TRAPPC9: variants seen among roughly 807,000 people sequenced by gnomAD.
TRAPPC9 encodes trafficking protein particle complex subunit 9, also known as IKK2 binding protein.
A neutral mutation model predicts 124.0 loss-of-function variants in TRAPPC9; 83 were observed. The ratio of observed to expected loss-of-function variants is 0.67; its 90% CI spans 0.56 to 0.80. The LOEUF is 0.80. Among genes scored for constraint, TRAPPC9 ranks in the 30% least tolerant of loss-of-function variants. The pLI is 0.00. For synonymous variants in TRAPPC9, 638 were observed against 617.5 expected (o/e 1.03, Z -0.49); for missense variants, 1,302 against 1,508.3 (o/e 0.86, Z 2.27).
At chr8:140,276,486 C>T (rs553605924) in intron 14 of TRAPPC9, among the ~76,000 whole-genome samples, 2 of 152,282 alleles carry the variant, frequency 1.3e-5, no homozygotes, top group East Asian at 3.9e-4. Flanking sequence ...GCCAGATGAA[C>T]GTGCAACACA....
At chr8:139,947,292 A>G (rs1834291686) in intron 19 of TRAPPC9, among the ~76,000 whole-genome samples, 1 of 152,198 alleles carries the variant, frequency 6.6e-6, no homozygotes, top group Non-Finnish European at 1.5e-5. Context: ...ACCAGGTACT[A>G]ATCTCCATCA....
At chr8:140,399,598 A>G (rs1015708774) in intron 6 of TRAPPC9, among the ~76,000 whole-genome samples, 3 of 152,074 alleles carry the variant, frequency 2.0e-5, no homozygotes, top group African/African-American at 7.2e-5. Context: ...AATTTCTCCC[A>G]TTTGGAATGG....
At chr8:139,815,206 C>T (rs1018854967) in intron 21 of TRAPPC9, among the ~76,000 whole-genome samples, 4 of 152,098 alleles carry the variant, frequency 2.6e-5, no homozygotes, top group Non-Finnish European at 5.9e-5. Context: ...GCCTTCAGTC[C>T]GGAGAAGCTC....
chr8:140,314,381 A>G (rs1287496905), intron 9 of TRAPPC9, among the ~76,000 whole-genome samples: 1 of 152,212 alleles, frequency 6.6e-6, no homozygotes, highest in African/African-American at 2.4e-5. Flanking sequence ...GTTTTAATGC[A>G]TTTACTGTAT....
intron 21 of TRAPPC9, among the ~76,000 whole-genome samples, chr8:139,885,222 C>G (rs901256950): frequency 6.6e-5 from 10 of 152,206 alleles, no homozygotes; most frequent in African/African-American, 2.2e-4. Flanking sequence ...GCTTGTTTCT[C>G]AGCAAAATAT....
At chr8:140,380,978 G>A (rs1030302103) in intron 7 of TRAPPC9, among the ~76,000 whole-genome samples, 1 of 152,048 alleles carries the variant, frequency 6.6e-6, no homozygotes, top group Non-Finnish European at 1.5e-5. Context: ...GCCGAGGCAG[G>A]TGGATCACTT....
chr8:140,422,548 G>C (rs2070256030), intron 5 of TRAPPC9, among the ~76,000 whole-genome samples: 1 of 152,084 alleles, frequency 6.6e-6, no homozygotes, highest in South Asian at 2.1e-4. Context: ...GAGGTCAGGA[G>C]TTTGAGACCA....
intron 16 of TRAPPC9, among the ~76,000 whole-genome samples, chr8:140,237,871 A>C (rs564045179): frequency 6.6e-6 from 1 of 152,320 alleles, no homozygotes; most frequent in East Asian, 1.9e-4. Flanking sequence ...AAAAACTACT[A>C]AAATGGCAAA....
At chr8:140,324,725 G>A (rs371790588) in intron 9 of TRAPPC9, among the ~76,000 whole-genome samples, 10 of 152,096 alleles carry the variant, frequency 6.6e-5, no homozygotes, top group East Asian at 5.8e-4. Flanking sequence ...AGCCACGATC[G>A]TGCCACTGCA....
chr8:140,314,618 C>T (rs1175765458), intron 9 of TRAPPC9, among the ~76,000 whole-genome samples: 2 of 152,348 alleles, frequency 1.3e-5, no homozygotes, highest in East Asian at 3.9e-4. Context: ...CATCCCCAGA[C>T]TCTTCTAACC....
chr8:139,787,378 AG>A (rs1822334873), intron 21 of TRAPPC9, among the ~76,000 whole-genome samples: 1 of 152,128 alleles, frequency 6.6e-6, no homozygotes, highest in African/African-American at 2.4e-5. Flanking sequence ...CCTTGGGAGC[AG>A]GGGTTGCTGT....
intron 8 of TRAPPC9, among the ~76,000 whole-genome samples, chr8:140,362,835 T>C (rs1013704073): frequency 6.6e-6 from 1 of 152,354 alleles, no homozygotes; most frequent in Admixed American, 6.5e-5. Context: ...ACATAAGAAT[T>C]GGGCAAATAT....
chr8:140,421,996 A>AAG (rs1241369292), intron 5 of TRAPPC9, among the ~76,000 whole-genome samples: 1 of 151,228 alleles, frequency 6.6e-6, no homozygotes, highest in East Asian at 1.9e-4. Flanking sequence ...AAAAAAAAAA[A>AAG]AAAAAAAAAA....
intron 6 of TRAPPC9, among the ~76,000 whole-genome samples, chr8:140,399,273 C>T (rs1017486340): frequency 2.0e-5 from 3 of 152,258 alleles, no homozygotes; most frequent in African/African-American, 4.8e-5. Flanking sequence ...CCTACTGGGG[C>T]ACTGCCTAGT....
At chr8:140,102,641 T>C (rs1001897397) in intron 17 of TRAPPC9, among the ~76,000 whole-genome samples, 14 of 152,118 alleles carry the variant, frequency 9.2e-5, no homozygotes, top group Admixed American at 2.0e-4. Flanking sequence ...CTTACTTCTG[T>C]CTCTATCTTC....
At chr8:140,083,823 C>A (rs559246585) in intron 17 of TRAPPC9, among the ~76,000 whole-genome samples, 1 of 152,026 alleles carries the variant, frequency 6.6e-6, no homozygotes, top group African/African-American at 2.4e-5. Context: ...CGGGCCACCA[C>A]ATCCAGCTAA....
At chr8:139,735,322 G>A (rs1038444258) in intron 21 of TRAPPC9, among the ~76,000 whole-genome samples, 1 of 152,238 alleles carries the variant, frequency 6.6e-6, no homozygotes, top group Admixed American at 6.5e-5. Flanking sequence ...CAGTACCCAT[G>A]AGCATTTGAG....
At chr8:139,957,466 G>A (rs1835073764) in intron 19 of TRAPPC9, among the ~76,000 whole-genome samples, 2 of 152,226 alleles carry the variant, frequency 1.3e-5, no homozygotes, top group South Asian at 2.1e-4. Context: ...CAGGAGACCT[G>A]TCACAAGTTG....
intron 17 of TRAPPC9, among the ~76,000 whole-genome samples, chr8:140,114,590 C>G (rs138595164): frequency 6.6e-6 from 1 of 152,138 alleles, no homozygotes; most frequent in East Asian, 1.9e-4. Flanking sequence ...TAGGACCATC[C>G]GTCACCGATG....
Sources: allele counts gnomAD v4.1 joint callset (sites outside exome capture counted in the v4.1 genomes callset), GRCh38; gene constraint gnomAD v4.1.1; transcripts MANE v1.5; gene names NCBI Gene and HGNC (gene_info 2026-07-23, HGNC 2026-07-21).